ZHX3: variants seen among roughly 807,000 people sequenced by gnomAD.
ZHX3 encodes zinc fingers and homeoboxes protein 3.
In ZHX3, 20 loss-of-function variants were observed where a neutral mutation model predicts 64.5. The ratio of observed to expected loss-of-function variants is 0.31; its 90% CI spans 0.22 to 0.45. The LOEUF is 0.45. Among genes scored for constraint, ZHX3 ranks in the 20% least tolerant of loss-of-function variants. The probability of loss-of-function intolerance (pLI) is 1.00; values close to 1 mark genes in which losing one functional copy is unlikely to be tolerated. For missense variants in ZHX3, 1,041 were observed against 1,195.8 expected (o/e 0.87, Z 1.91); for synonymous variants, 423 against 461.6 (o/e 0.92, Z 1.07).
intron 1 of ZHX3, among the ~76,000 whole-genome samples, chr20:41,306,766 A>G (rs543822841): frequency 4.5e-4 from 69 of 152,360 alleles, no homozygotes; most frequent in Non-Finnish European, 7.6e-4. Context: ...TGTGAACTAT[A>G]TATGTTGATT....
chr20:41,262,707 G>T (rs1053054450), intron 2 of ZHX3, among the ~76,000 whole-genome samples: 1 of 152,194 alleles, frequency 6.6e-6, no homozygotes, highest in East Asian at 1.9e-4. Context: ...TGTTGGCTCA[G>T]AGTGAGACCT....
chr20:41,254,546 C>T (rs531063136), intron 2 of ZHX3: 1 of 152,184 alleles, frequency 6.6e-6, no homozygotes, highest in East Asian at 1.9e-4. Context: ...AGCCCTGACT[C>T]CTGACTGCTT....
At chr20:41,311,763 T>C (rs1324741707) in intron 1 of ZHX3, among the ~76,000 whole-genome samples, 2 of 152,236 alleles carry the variant, frequency 1.3e-5, no homozygotes. Flanking sequence ...GAAGTGGTAA[T>C]ATAATTACCA....
At chr20:41,297,433 T>A (rs527300455) in intron 1 of ZHX3, among the ~76,000 whole-genome samples, 1 of 152,226 alleles carries the variant, frequency 6.6e-6, no homozygotes, top group Non-Finnish European at 1.5e-5. Context: ...GTCCCAGTTT[T>A]ATCTCAAACT....
intron 1 of ZHX3, among the ~76,000 whole-genome samples, chr20:41,316,051 A>G (rs1475958534): frequency 6.6e-6 from 1 of 151,986 alleles, no homozygotes; most frequent in African/African-American, 2.4e-5. Flanking sequence ...AACCAAAACA[A>G]CATGGGGAAC....
In ZHX3 at chr20:41,200,650, T is replaced by C. The variant is rs987956751; in HGVS notation, c.2860+1407A>G. ...GCCCTTGTACTCCTACCCTAAGTGC[T>C]GACCAGGGCTTTGGGCTCCACCAGG... On this transcript the variant is annotated intron_variant, in intron 3 of 3. Coordinates refer to ENST00000683867, the MANE Select transcript of ZHX3 (RefSeq NM_001384317.1). This position sits in a 1 kb window ranked among gnomAD's most constrained non-coding sequence, Gnocchi z 4.2. Among the ~76,000 whole-genome samples the C allele has an allele frequency of 2.6e-5, 4 of 152,186 alleles. No homozygotes were observed. The highest frequency in any genetic ancestry group is 5.9e-5 in the Non-Finnish European group (4 of 68,030).
intron 2 of ZHX3, among the ~76,000 whole-genome samples, chr20:41,257,431 A>G (rs1041748325): frequency 2.0e-5 from 3 of 152,194 alleles, no homozygotes; most frequent in Non-Finnish European, 4.4e-5. Flanking sequence ...GCCTATAGGC[A>G]GCACTGTGGA....
intron 2 of ZHX3, among the ~76,000 whole-genome samples, chr20:41,243,696 T>C (rs138864298): frequency 1.8e-4 from 27 of 152,214 alleles, no homozygotes; most frequent in African/African-American, 5.8e-4. Context: ...ATAATAACAA[T>C]ACATGGGATT....
chr20:41,196,380 CAT>C lies in ZHX3; in HGVS notation c.2860+5675_2860+5676del, dbSNP rs1358786930. 3.9e-4 allele frequency among the ~76,000 whole-genome samples: 22 copies of C among 56,058 alleles called. No homozygotes were observed. In the East Asian group the frequency reaches 0.017, roughly 44 times the overall value. 36.8% of individuals were successfully genotyped at this position (56,058 alleles called of 152,430 possible). On this transcript the variant is annotated intron_variant, in intron 3 of 3. Coordinates refer to ENST00000683867, the MANE Select transcript of ZHX3 (RefSeq NM_001384317.1). Reference sequence around the variant, plus strand: ...CTTATAAATATATATATTTATATAACATAAATATATATTTATATATATTATAT... The same window carrying C: ...CTTATAAATATATATATTTATATAACAAATATATATTTATATATATTATAT...
At position 41,201,341 on chromosome 20, in the gene ZHX3, G is replaced by A. The variant is rs564390269; in HGVS notation, c.2860+716C>T. 7.7e-7 allele frequency: 1 copy of A among 1,304,718 alleles called. No individual in the cohort carries two copies. Among genetic ancestry groups the A allele is most frequent in the East Asian group, 5.5e-5 (1 of 18,030 alleles). 80.8% of individuals were successfully genotyped at this position (1,304,718 alleles called of 1,614,324 possible). On this transcript the variant is annotated intron_variant, in intron 3 of 3. Coordinates refer to ENST00000683867, the MANE Select transcript of ZHX3 (RefSeq NM_001384317.1). The surrounding 1 kb of genome is among the most constrained non-coding windows in gnomAD (Gnocchi z 5.0). ...TCTAATGAGAACACAAATGTCAAAGGGTAAGGAGGGAAGGGAGAGGCTGGG... is the reference window on the plus strand; with the variant it reads ...TCTAATGAGAACACAAATGTCAAAGAGTAAGGAGGGAAGGGAGAGGCTGGG...
At chr20:41,186,252 A>G (rs1334208174) in intron 3 of ZHX3, among the ~76,000 whole-genome samples, 1 of 152,190 alleles carries the variant, frequency 6.6e-6, no homozygotes, top group Non-Finnish European at 1.5e-5. Context: ...TGAATGGTAC[A>G]ATATTTGTCT....
chr20:41,306,116 G>C (rs995799810), intron 1 of ZHX3, among the ~76,000 whole-genome samples: 1 of 151,962 alleles, frequency 6.6e-6, no homozygotes, highest in Non-Finnish European at 1.5e-5. Context: ...CTAAGTAGCT[G>C]GTTTCCTTAT....
intron 2 of ZHX3, among the ~76,000 whole-genome samples, chr20:41,231,532 A>G (rs59220905): frequency 6.6e-6 from 1 of 152,118 alleles, no homozygotes; most frequent in African/African-American, 2.4e-5. Context: ...ACTGTACCTA[A>G]ATCATTTTTT....
intron 2 of ZHX3, among the ~76,000 whole-genome samples, chr20:41,258,544 T>C (rs1432147067): frequency 6.6e-6 from 1 of 152,142 alleles, no homozygotes; most frequent in Non-Finnish European, 1.5e-5. Flanking sequence ...CTTTTAAGAG[T>C]ATTAAACAGT....
At position 41,185,682 on chromosome 20, in the gene ZHX3, C is replaced by CAAAGT. The variant is rs2146101460; in HGVS notation, c.2861-486_2861-482dup. Reference sequence around the variant, plus strand: ...TAACTTGCAACCCTAACATCAAAGTCAAAGTAAGGCTGATATCAGAGAGGT... The same window carrying CAAAGT: ...TAACTTGCAACCCTAACATCAAAGTCAAAGTAAAGTAAGGCTGATATCAGAGAGGT... On this transcript the variant is annotated intron_variant, in intron 3 of 3. Transcript: ENST00000683867. The surrounding 1 kb of genome is among the most constrained non-coding windows in gnomAD (Gnocchi z 5.0). The CAAAGT allele has an allele frequency of 6.0e-6, 1 of 166,370 alleles. No individual in the cohort carries two copies. Among genetic ancestry groups the CAAAGT allele is most frequent in the African/African-American group, 2.4e-5 (1 of 42,074 alleles). 10.3% of individuals were successfully genotyped at this position (166,370 alleles called of 1,614,324 possible).
Position 41,204,897 on chromosome 20 carries a change from G to T in ZHX3, c.20C>A (p.Ser7Tyr). Residue 7 changes from serine (S) to tyrosine (Y), a missense_variant, in exon 3 of 4, where the codon TCC becomes TAC. Coordinates refer to ENST00000683867, the MANE Select transcript of ZHX3 (RefSeq NM_001384317.1). This position sits in a 1 kb window ranked among gnomAD's most constrained non-coding sequence, Gnocchi z 6.6. MASKRK[S>Y]TTPCMIPVKT... ...CACTGGGATCATGCATGGTGTGGTG[G>T]ATTTCCTCTTGCTGGCCATGGTGAC... The T allele has an allele frequency of 6.5e-7, 1 of 1,534,256 alleles. No individual in the cohort carries two copies. The highest frequency in any genetic ancestry group is 8.8e-7 in the Non-Finnish European group (1 of 1,141,654).
intron 2 of ZHX3, among the ~76,000 whole-genome samples, chr20:41,266,412 C>T (rs957986763): frequency 6.6e-6 from 1 of 152,164 alleles, no homozygotes; most frequent in African/African-American, 2.4e-5. Flanking sequence ...TGCAATGTCC[C>T]CATCCTACCA....
chr20:41,308,349 T>C lies in ZHX3; in HGVS notation c.-245+9160A>G, dbSNP rs986361143. 2.0e-5 allele frequency among the ~76,000 whole-genome samples: 3 copies of C among 152,176 alleles called. No homozygotes were observed. In the South Asian group the frequency reaches 6.2e-4, roughly 32 times the overall value. ...TTCACTGAGGAGAGGAGACAGTGAC[T>C]GGAAGGATGTGGTAGGTGACTGGAA... On this transcript the variant is annotated intron_variant, in intron 1 of 3. Coordinates refer to ENST00000683867, the MANE Select transcript of ZHX3 (RefSeq NM_001384317.1).
chr20:41,234,979 T>C (rs2040869378), intron 2 of ZHX3, among the ~76,000 whole-genome samples: 1 of 152,260 alleles, frequency 6.6e-6, no homozygotes, highest in African/African-American at 2.4e-5. Context: ...CTCACTTGCA[T>C]TCAGCTATAC....
Sources: allele counts gnomAD v4.1 joint callset (sites outside exome capture counted in the v4.1 genomes callset), GRCh38; gene constraint gnomAD v4.1.1; non-coding constraint Gnocchi (gnomAD v3.1); transcripts MANE v1.5; gene names NCBI Gene and HGNC (gene_info 2026-07-23, HGNC 2026-07-21).